The following PITPNM2 variants were observed in gnomAD, a reference collection of about 807,000 sequenced individuals.
The protein encoded by PITPNM2 is phosphatidylinositol transfer protein membrane associated 2, also known as membrane-associated phosphatidylinositol transfer protein 2.
In PITPNM2, 35 loss-of-function variants were observed where a neutral mutation model predicts 132.2. That is an observed-to-expected ratio of 0.26 (90% CI 0.20 to 0.35). The LOEUF (loss-of-function observed/expected upper bound fraction) is 0.35. Ranked by LOEUF, PITPNM2 falls within the 10% of genes least tolerant of loss-of-function variation. PITPNM2 has a pLI of 1.00. For synonymous variants in PITPNM2, 738 were observed against 799.2 expected, an observed-to-expected ratio of 0.92 and a Z score of 1.29; for missense variants, 1,332 against 1,912.0, an observed-to-expected ratio of 0.70 and a Z score of 5.66.
intron 3 of PITPNM2, among the ~76,000 whole-genome samples, chr12:123,032,257 T>A (rs2040120625): frequency 6.6e-6 from 1 of 152,178 alleles, no homozygotes; most frequent in Admixed American, 6.5e-5. Context: ...GGTGAGTGGA[T>A]CACAAGGTCA....
chr12:123,071,669 C>G (rs528799673), intron 2 of PITPNM2, among the ~76,000 whole-genome samples: 1 of 152,332 alleles, frequency 6.6e-6, no homozygotes, highest in East Asian at 1.9e-4. Context: ...GAGGAGAGCC[C>G]CACAAGACGA....
chr12:123,138,391 T>A (rs1423313694), intron 1 of PITPNM2, among the ~76,000 whole-genome samples: 2 of 152,162 alleles, frequency 1.3e-5, no homozygotes, highest in Admixed American at 6.5e-5. Context: ...GAGGCTGCAG[T>A]AAGCTGTGTT....
chr12:123,043,572 C>G (rs2040561711), intron 2 of PITPNM2, among the ~76,000 whole-genome samples: 1 of 152,240 alleles, frequency 6.6e-6, no homozygotes. Flanking sequence ...GCTGGGGCAA[C>G]TGCCAAGCCA....
chr12:123,086,564 C>T (rs1441199613), intron 2 of PITPNM2, among the ~76,000 whole-genome samples: 1 of 152,182 alleles, frequency 6.6e-6, no homozygotes, highest in African/African-American at 2.4e-5. Context: ...CAGACCACAA[C>T]CACAACTACT....
At chr12:123,088,439 G>C (rs1471023158) in intron 2 of PITPNM2, 1 of 152,126 alleles carries the variant, frequency 6.6e-6, no homozygotes, top group Non-Finnish European at 1.5e-5. Context: ...TCTGTGCTTA[G>C]AACAACACCT....
At chr12:123,129,528 C>A (rs1345572692) in intron 1 of PITPNM2, among the ~76,000 whole-genome samples, 1 of 151,714 alleles carries the variant, frequency 6.6e-6, no homozygotes, top group Non-Finnish European at 1.5e-5. Flanking sequence ...CGAGATTGCG[C>A]CACTGCACTC....
chr12:123,021,400 T>C (rs191847882), intron 3 of PITPNM2, among the ~76,000 whole-genome samples: 444 of 152,334 alleles, frequency 2.9e-3, no homozygotes, highest in Middle Eastern at 6.8e-3. Flanking sequence ...GGCATGATCA[T>C]GGCTCACTGC....
intron 2 of PITPNM2, among the ~76,000 whole-genome samples, chr12:123,102,654 C>G (rs546423543): frequency 1.9e-3 from 287 of 152,282 alleles, no homozygotes; most frequent in Non-Finnish European, 2.5e-3. Context: ...CTTCACAGGT[C>G]TCATTCTGAA....
chr12:123,002,276 C>T (rs1367644939), intron 8 of PITPNM2, among the ~76,000 whole-genome samples: 1 of 152,190 alleles, frequency 6.6e-6, no homozygotes, highest in East Asian at 1.9e-4. Context: ...GCAGAGATTG[C>T]AGTGAGCTGA....
Position 122,997,409 on chromosome 12 carries a change from T to A in PITPNM2, c.1388A>T (p.His463Leu), listed in dbSNP as rs767047137. 1.2e-6 allele frequency: 2 copies of A among 1,613,534 alleles called. No homozygotes were observed. Among genetic ancestry groups the A allele is most frequent in the South Asian group, 2.2e-5 (2 of 91,086 alleles). The change falls in exon 11 of 26, where the codon CAC becomes CTC. Residue 463 changes from histidine to leucine, a missense_variant. Transcript: ENST00000320201. ...ANVFDTVMRV[H>L]YPSALGRLAI... Reference sequence around the variant, plus strand: ...AAGGCGGCCCAGGGCGCTGGGGTAGTGCACGCGCATGACGGTGTCGAACAC... The same window carrying A: ...AAGGCGGCCCAGGGCGCTGGGGTAGAGCACGCGCATGACGGTGTCGAACAC...
At chr12:123,141,193 T>A (rs1282426216) in intron 1 of PITPNM2, among the ~76,000 whole-genome samples, 2 of 152,106 alleles carry the variant, frequency 1.3e-5, no homozygotes, top group African/African-American at 4.8e-5. Context: ...AGGGTCCCCA[T>A]CTGTGAGACA....
chr12:123,063,539 C>T (rs2041317337), intron 2 of PITPNM2, among the ~76,000 whole-genome samples: 1 of 152,170 alleles, frequency 6.6e-6, no homozygotes, highest in Admixed American at 6.5e-5. Context: ...CCTTCAGTCC[C>T]AGAAGCGTCT....
intron 2 of PITPNM2, among the ~76,000 whole-genome samples, chr12:123,057,135 C>A (rs1052379615): frequency 6.6e-6 from 1 of 152,124 alleles, no homozygotes; most frequent in Non-Finnish European, 1.5e-5. Flanking sequence ...AATCCCAGCA[C>A]TTTGAGAGGC....
intron 3 of PITPNM2, among the ~76,000 whole-genome samples, chr12:123,014,745 G>T (rs544522375): frequency 6.6e-6 from 1 of 152,104 alleles, no homozygotes; most frequent in South Asian, 2.1e-4. Context: ...AAGAATAAGA[G>T]GCATCCAAAT....
intron 2 of PITPNM2, among the ~76,000 whole-genome samples, chr12:123,060,877 T>C (rs1008729177): frequency 7.9e-5 from 12 of 152,148 alleles, no homozygotes; most frequent in African/African-American, 2.7e-4. Context: ...AACCCTATCA[T>C]TGGGTAGATG....
intron 3 of PITPNM2, among the ~76,000 whole-genome samples, chr12:123,014,625 C>T (rs554375878): frequency 6.6e-6 from 1 of 152,136 alleles, no homozygotes; most frequent in African/African-American, 2.4e-5. Flanking sequence ...TCGCTTGAAC[C>T]CGGGAGGCAG....
chr12:123,056,614 C>T (rs1171947617), intron 2 of PITPNM2, among the ~76,000 whole-genome samples: 1 of 151,972 alleles, frequency 6.6e-6, no homozygotes, highest in Non-Finnish European at 1.5e-5. Context: ...AAGAGCTGAG[C>T]TGCCCGGCCC....
intron 2 of PITPNM2, among the ~76,000 whole-genome samples, chr12:123,048,208 A>C (rs1007932671): frequency 1.3e-5 from 2 of 152,236 alleles, no homozygotes; most frequent in Admixed American, 1.3e-4. Flanking sequence ...TCAAAAAAGA[A>C]GGACATTCTG....
intron 2 of PITPNM2, among the ~76,000 whole-genome samples, chr12:123,093,201 G>T (rs1391129866): frequency 6.6e-6 from 1 of 152,190 alleles, no homozygotes; most frequent in Admixed American, 6.5e-5. Flanking sequence ...ATTAGTGGTT[G>T]CCAGGGGCTG....
Sources: gnomAD v4.1 joint callset for allele counts (sites outside exome capture counted in the v4.1 genomes callset) on GRCh38, gnomAD v4.1.1 for gene constraint, MANE v1.5 for transcripts, NCBI Gene and HGNC (gene_info 2026-07-23, HGNC 2026-07-21) for gene names.